The following IGF2BP2 variants were observed in gnomAD, a reference collection of about 807,000 sequenced individuals.
The protein encoded by IGF2BP2 is insulin-like growth factor 2 mRNA-binding protein 2.
IGF2BP2 carries 17 observed loss-of-function variants against 75.8 expected under a neutral mutation model. The ratio of observed to expected loss-of-function variants is 0.22; its 90% confidence interval spans 0.15 to 0.34. The LOEUF (loss-of-function observed/expected upper bound fraction) is 0.34. IGF2BP2 is among the 10% of genes least tolerant of loss of function. The pLI is 1.00. For synonymous variants in IGF2BP2, 288 were observed against 295.6 expected (o/e 0.97, Z 0.26); for missense variants, 516 against 772.4 (o/e 0.67, Z 3.93).
chr3:185,658,123 C>G (rs1249635185), intron 11 of IGF2BP2, among the ~76,000 whole-genome samples: 1 of 152,204 alleles, frequency 6.6e-6, no homozygotes, highest in East Asian at 1.9e-4. Context: ...CGAGCATCCA[C>G]AGGTGCAACA....
rs577070427 is a variant in IGF2BP2 at position 185,818,511 on chromosome 3, T to C, written c.239+4642A>G. On this transcript the variant is annotated intron_variant, in intron 2 of 15. Transcript: ENST00000382199. ...TCAAGACTGAATTCCAGAGCAACTG[T>C]TGTTCAATTAAAGATCTCCTGCTGC... Among the ~76,000 whole-genome samples the C allele has an allele frequency of 9.8e-5, 15 of 152,300 alleles. No homozygotes were observed. In the South Asian group the frequency reaches 1.9e-3, roughly 19 times the overall value.
chr3:185,697,386 G>T (rs1015778298), intron 3 of IGF2BP2, among the ~76,000 whole-genome samples: 1 of 151,142 alleles, frequency 6.6e-6, no homozygotes, highest in Admixed American at 6.6e-5. Context: ...ATTTACAGGC[G>T]TGAGCCATCA....
rs1560250816 is a variant in IGF2BP2, at chr3:185,665,362, G to GAGGAGGAGGAGA, written c.1201-6965_1201-6954dup. Among the ~76,000 whole-genome samples the GAGGAGGAGGAGA allele has an allele frequency of 2.0e-4, 26 of 129,480 alleles. 1 individual carries two copies. Among genetic ancestry groups the GAGGAGGAGGAGA allele is most frequent in the African/African-American group, 6.5e-4 (22 of 33,976 alleles). 84.9% of individuals were successfully genotyped at this position (129,480 alleles called of 152,430 possible). A position where few individuals can be genotyped will look rare whatever the true frequency, so the allele number is the denominator to read the frequency against. On this transcript the variant is annotated intron_variant, in intron 10 of 15. Transcript: ENST00000382199. Reference sequence around the variant, plus strand: ...GGAGGAGAAGGAGGAGGAGGAGAAGGAGGAGGAGGAGAAGGAGGAGGAGGA... The same window carrying GAGGAGGAGGAGA: ...GGAGGAGAAGGAGGAGGAGGAGAAGGAGGAGGAGGAGAAGGAGGAGGAGAAGGAGGAGGAGGA...
At chr3:185,707,295 CTTTTTTTTTTT>C (rs1159568857) in intron 2 of IGF2BP2, among the ~76,000 whole-genome samples, 3 of 39,854 alleles carry the variant, frequency 7.5e-5, no homozygotes, top group Non-Finnish European at 8.8e-5. Flanking sequence ...AACGAAGGGG[CTTTTTTTTTTT>C]TTTTTTTTTT....
intron 2 of IGF2BP2, among the ~76,000 whole-genome samples, chr3:185,813,141 C>A (rs1220419609): frequency 6.6e-6 from 1 of 152,156 alleles, no homozygotes; most frequent in Non-Finnish European, 1.5e-5. Context: ...TTTCGACTTA[C>A]CTACTTTACA....
At chr3:185,746,597 G>A (rs1730278315) in intron 2 of IGF2BP2, among the ~76,000 whole-genome samples, 1 of 152,166 alleles carries the variant, frequency 6.6e-6, no homozygotes, top group South Asian at 2.1e-4. Flanking sequence ...CTAACAGGTA[G>A]GAGACACCAT....
At chr3:185,656,570 ACT>A (rs1210588605) in intron 12 of IGF2BP2, among the ~76,000 whole-genome samples, 2 of 151,992 alleles carry the variant, frequency 1.3e-5, no homozygotes, top group East Asian at 1.9e-4. Context: ...AACAACAAAA[ACT>A]CTGTTTCCGA....
intron 10 of IGF2BP2, among the ~76,000 whole-genome samples, chr3:185,667,153 T>C (rs1315110545): frequency 6.6e-6 from 1 of 152,152 alleles, no homozygotes; most frequent in African/African-American, 2.4e-5. Context: ...GCATTTTAAG[T>C]TCAACGATAA....
At chr3:185,742,832 G>A (rs779121552) in intron 2 of IGF2BP2, among the ~76,000 whole-genome samples, 6 of 152,114 alleles carry the variant, frequency 3.9e-5, no homozygotes, top group African/African-American at 1.2e-4. Context: ...CAGGCACAGC[G>A]GCTCATGCCT....
rs1412591312 is a variant in IGF2BP2 at position 185,697,415 on chromosome 3, G to GT, written c.289-753dup. Among the ~76,000 whole-genome samples, 13 of 129,592 alleles carry GT rather than the reference G, an allele frequency of 1.0e-4. No homozygotes were observed. The East Asian group carries it at 2.9e-3, about 29-fold the overall frequency. 85.0% of individuals were successfully genotyped at this position (129,592 alleles called of 152,430 possible). On this transcript the variant is annotated intron_variant, in intron 3 of 15. Transcript: ENST00000382199. ...GCCATCACGCCCAGGCAATAATCGT[G>GT]TGTTTTTTTTTTTTAAAGTAATAAA...
At chr3:185,809,621 C>A (rs1739530275) in intron 2 of IGF2BP2, among the ~76,000 whole-genome samples, 2 of 151,558 alleles carry the variant, frequency 1.3e-5, no homozygotes, top group African/African-American at 2.4e-5. Flanking sequence ...CAGAGTGAGA[C>A]CCCCTGTCAG....
At chr3:185,810,600 C>T (rs1739668816) in intron 2 of IGF2BP2, among the ~76,000 whole-genome samples, 1 of 152,022 alleles carries the variant, frequency 6.6e-6, no homozygotes, top group African/African-American at 2.4e-5. Context: ...ATGGCGAAAC[C>T]CCATCTCTAC....
At chr3:185,717,270 T>C (rs952938012) in intron 2 of IGF2BP2, 1 of 171,120 alleles carries the variant, frequency 5.8e-6, no homozygotes, top group Non-Finnish European at 1.3e-5. Flanking sequence ...GATACGTGAC[T>C]CTGGCATGTA....
intron 2 of IGF2BP2, among the ~76,000 whole-genome samples, chr3:185,796,337 C>T (rs953302844): frequency 2.0e-5 from 3 of 151,448 alleles, no homozygotes; most frequent in Non-Finnish European, 4.4e-5. Context: ...ACGAGGAGGG[C>T]GGATCACTTG....
intron 2 of IGF2BP2, chr3:185,716,806 A>C (rs1020762742): frequency 5.8e-6 from 3 of 518,490 alleles, no homozygotes; most frequent in African/African-American, 5.8e-5. Flanking sequence ...ATTTCACCTT[A>C]ACTGAGGGGC....
At chr3:185,673,549 G>C (rs546501229) in intron 9 of IGF2BP2, among the ~76,000 whole-genome samples, 9 of 152,134 alleles carry the variant, frequency 5.9e-5, no homozygotes, top group Non-Finnish European at 8.8e-5. Flanking sequence ...ACACAGACTG[G>C]GGGTGGGTTT....
chr3:185,821,232 G>T, intron 2 of IGF2BP2: 1 of 952,882 alleles, frequency 1.0e-6, no homozygotes, highest in Non-Finnish European at 1.5e-6. Context: ...TAGAGCAGCA[G>T]CTTATGCATA....
In IGF2BP2 at chr3:185,643,785, T is replaced by TC. The variant is rs1409172878; in HGVS notation, c.*1745_*1746insG. On this transcript the variant is annotated 3_prime_UTR_variant, in exon 16 of 16. Transcript: ENST00000382199. Reference sequence around the variant, plus strand: ...CTGTTTTTTCTTTTTTTTTCTTTTTTTTTTTTTTTTTTTTGTCACAGAACA... The same window carrying TC: ...CTGTTTTTTCTTTTTTTTTCTTTTTTCTTTTTTTTTTTTTTGTCACAGAACA... The TC allele has an allele frequency of 4.1e-5, 6 of 146,760 alleles. No homozygotes were observed. Among genetic ancestry groups the TC allele is most frequent in the Non-Finnish European group, 6.0e-5 (4 of 66,578 alleles). The allele number at this position is 146,760 out of a possible 1,614,324, so 9.1% of individuals were successfully genotyped here. A position where few individuals can be genotyped will look rare whatever the true frequency, so the allele number is the denominator to read the frequency against.
rs991181786 is a variant in IGF2BP2, at chr3:185,741,037, C to T, written c.240-42690G>A. On this transcript the variant is annotated intron_variant, in intron 2 of 15. Transcript: ENST00000382199. ...GATTATAGGCACATGCCACCATGCC[C>T]GGCTAATTTTGTATTTTTAGTAGAG... Among the ~76,000 whole-genome samples, 113 of 152,214 alleles carry T rather than the reference C, an allele frequency of 7.4e-4. 1 individual carries two copies. Among genetic ancestry groups the T allele is most frequent in the East Asian group, 7.7e-4 (4 of 5,170 alleles).
Sources: allele counts gnomAD v4.1 joint callset (sites outside exome capture counted in the v4.1 genomes callset), GRCh38; gene constraint gnomAD v4.1.1; transcripts MANE v1.5; gene names NCBI Gene and HGNC (gene_info 2026-07-23, HGNC 2026-07-21).